SGK3: variants seen among roughly 807,000 people sequenced by gnomAD.
SGK3 encodes the protein serine/threonine-protein kinase Sgk3.
SGK3 carries 47 observed loss-of-function variants against 68.5 expected under a neutral mutation model. The ratio of observed to expected loss-of-function variants is 0.69; its 90% CI spans 0.54 to 0.87. The LOEUF (loss-of-function observed/expected upper bound fraction) is 0.87, where lower values mean the gene tolerates loss of function less well. Among genes scored for constraint, SGK3 ranks in the 40% least tolerant of loss-of-function variants. The probability of loss-of-function intolerance (pLI) is 0.00; values close to 1 mark genes in which losing one functional copy is unlikely to be tolerated. For missense variants in SGK3, 479 were observed against 575.5 expected, an observed-to-expected ratio of 0.83 and a Z score of 1.72; for synonymous variants, 181 against 189.1, an observed-to-expected ratio of 0.96 and a Z score of 0.35.
At chr8:66,732,613 G>A (rs1585642698) in intron 1 of SGK3, among the ~76,000 whole-genome samples, 1 of 152,220 alleles carries the variant, frequency 6.6e-6, no homozygotes, top group South Asian at 2.1e-4. Flanking sequence ...GGGAGGCCGA[G>A]GTGGGTGGAT....
chr8:66,780,646 G>C (rs1205638658), intron 1 of SGK3, among the ~76,000 whole-genome samples: 7 of 152,142 alleles, frequency 4.6e-5, no homozygotes, highest in Non-Finnish European at 1.0e-4. Flanking sequence ...GTTTGTTCTG[G>C]TATGAGTCTA....
intron 1 of SGK3, among the ~76,000 whole-genome samples, chr8:66,713,455 A>G (rs1383297288): frequency 2.0e-5 from 3 of 152,244 alleles, no homozygotes; most frequent in Non-Finnish European, 2.9e-5. Context: ...AAACGCTTTC[A>G]TTGAGTTGTG....
chr8:66,805,258 G>A (rs944252245), intron 4 of SGK3, among the ~76,000 whole-genome samples: 4 of 151,904 alleles, frequency 2.6e-5, no homozygotes, highest in Non-Finnish European at 5.9e-5. Context: ...GGTGGCTCAC[G>A]CCTGTAATCC....
intron 1 of SGK3, among the ~76,000 whole-genome samples, chr8:66,745,893 T>A (rs1004367168): frequency 2.0e-5 from 3 of 152,034 alleles, no homozygotes; most frequent in Non-Finnish European, 4.4e-5. Context: ...CTACAAGCCC[T>A]TTTTTTAGTG....
At chr8:66,827,088 T>C (rs1410845484) in intron 6 of SGK3, among the ~76,000 whole-genome samples, 2 of 151,948 alleles carry the variant, frequency 1.3e-5, no homozygotes, top group Non-Finnish European at 2.9e-5. Flanking sequence ...TTTGATAAGA[T>C]AAAATTTTCT....
chr8:66,848,016 G>T (rs1224877593), intron 15 of SGK3, among the ~76,000 whole-genome samples: 1 of 152,008 alleles, frequency 6.6e-6, no homozygotes, highest in Non-Finnish European at 1.5e-5. Flanking sequence ...AAATATTGAG[G>T]AATATGAACT....
chr8:66,733,741 T>C (rs1805234594), intron 1 of SGK3, among the ~76,000 whole-genome samples: 1 of 152,324 alleles, frequency 6.6e-6, no homozygotes, highest in African/African-American at 2.4e-5. Flanking sequence ...AAAAAAACTT[T>C]AAAGATTATT....
intron 1 of SGK3, among the ~76,000 whole-genome samples, chr8:66,769,942 T>C (rs540589104): frequency 4.6e-5 from 7 of 151,856 alleles, no homozygotes; most frequent in Non-Finnish European, 1.0e-4. Flanking sequence ...TGCAGGTCAG[T>C]TTTAGTGATT....
At position 66,805,307 on chromosome 8, in the gene SGK3, C is replaced by T. The variant is rs144130808; in HGVS notation, c.253+860C>T. Among the ~76,000 whole-genome samples, 781 of 152,118 alleles carry T rather than the reference C, an allele frequency of 5.1e-3. 13 individuals carry two copies. The highest frequency in any genetic ancestry group is 0.018 in the African/African-American group (755 of 41,514). ...GGCTGAGGCAGGTGGATCACAAGGT[C>T]AGGAGATCGAGACCATCCTGGCTAA... On this transcript the variant is annotated intron_variant, in intron 4 of 16. Transcript: ENST00000521198.
intron 1 of SGK3, among the ~76,000 whole-genome samples, chr8:66,720,508 G>T (rs1487631083): frequency 6.6e-6 from 1 of 152,098 alleles, no homozygotes; most frequent in Non-Finnish European, 1.5e-5. Flanking sequence ...AGTGGCTCAC[G>T]CCTGTAATCC....
intron 16 of SGK3, among the ~76,000 whole-genome samples, chr8:66,857,668 C>T (rs928093757): frequency 6.6e-6 from 1 of 151,988 alleles, no homozygotes; most frequent in African/African-American, 2.4e-5. Context: ...GTGGTCCCAG[C>T]TACTTGGAGA....
At chr8:66,734,816 G>A (rs576824170) in intron 1 of SGK3, among the ~76,000 whole-genome samples, 14 of 151,892 alleles carry the variant, frequency 9.2e-5, no homozygotes, top group South Asian at 4.2e-4. Context: ...GCGTGGTGGC[G>A]CACACCTGTA....
intron 1 of SGK3, among the ~76,000 whole-genome samples, chr8:66,721,917 A>G (rs544586002): frequency 1.2e-3 from 186 of 152,298 alleles, no homozygotes; most frequent in African/African-American, 4.0e-3. Context: ...TCTTGGGCCA[A>G]AGGTTAGCAA....
rs774488617 is a variant in SGK3, at chr8:66,812,735, C to T, written c.254-1118C>T. ...TGCATTATCTCATTTAATCCTATAA[C>T]AGCATTATGAGGTATAAATATTGTT... On this transcript the variant is annotated intron_variant, in intron 4 of 16. Transcript: ENST00000521198. Among the ~76,000 whole-genome samples the T allele has an allele frequency of 4.8e-4, 73 of 151,664 alleles. 1 individual carries two copies. The highest frequency in any genetic ancestry group is 6.6e-4 in the Non-Finnish European group (45 of 67,896).
chr8:66,827,240 G>A (rs1224609788), intron 6 of SGK3, among the ~76,000 whole-genome samples: 1 of 151,566 alleles, frequency 6.6e-6, no homozygotes, highest in Non-Finnish European at 1.5e-5. Context: ...AAATTAACCG[G>A]GCATGGTGGC....
chr8:66,839,914 C>G, intron 10 of SGK3, 89 bp from the exon 11 acceptor site: 1 of 1,245,516 alleles, frequency 8.0e-7, no homozygotes, highest in Non-Finnish European at 1.1e-6. Context: ...CAATTCCTAC[C>G]TTTGTATTTA....
intron 1 of SGK3, among the ~76,000 whole-genome samples, chr8:66,757,259 G>A (rs1806007466): frequency 6.6e-6 from 1 of 151,522 alleles, no homozygotes. Context: ...AGCCTCCTGA[G>A]TAGCTGGGAC....
At position 66,828,125 on chromosome 8, in the gene SGK3, G is replaced by GA. The variant is rs1157693194; in HGVS notation, c.418-517dup. ...GGCGACAGAGGGAGACTCCGTCTCAGAAAAAAAAAAAAGAAAGAAAGAAAA... is the reference window on the plus strand; with the variant it reads ...GGCGACAGAGGGAGACTCCGTCTCAGAAAAAAAAAAAAAGAAAGAAAGAAAA... On this transcript the variant is annotated intron_variant, in intron 6 of 16. Transcript: ENST00000521198. 7.9e-3 allele frequency among the ~76,000 whole-genome samples: 1,077 copies of GA among 136,700 alleles called. 17 individuals carry two copies. The highest frequency in any genetic ancestry group is 0.026 in the African/African-American group (989 of 37,368). The allele number at this position is 136,700 out of a possible 152,430, so 89.7% of individuals were successfully genotyped here.
At chr8:66,732,629 G>A (rs1805194991) in intron 1 of SGK3, among the ~76,000 whole-genome samples, 1 of 152,212 alleles carries the variant, frequency 6.6e-6, no homozygotes, top group Non-Finnish European at 1.5e-5. Context: ...TGGATCACCT[G>A]AGGTCAGGAG....
Sources: allele counts gnomAD v4.1 joint callset (sites outside exome capture counted in the v4.1 genomes callset), GRCh38; gene constraint gnomAD v4.1.1; transcripts MANE v1.5; gene names NCBI Gene and HGNC (gene_info 2026-07-23, HGNC 2026-07-21).